Variants in ALK observed in about 807,000 individuals in gnomAD.
ALK encodes ALK tyrosine kinase receptor.
ALK carries 74 observed loss-of-function variants against 163.1 expected under a neutral mutation model. The ratio of observed to expected loss-of-function variants is 0.45; its 90% confidence interval spans 0.38 to 0.55. The LOEUF (loss-of-function observed/expected upper bound fraction) is 0.55, where lower values mean the gene tolerates loss of function less well. Among genes scored for constraint, ALK ranks in the 20% least tolerant of loss-of-function variants. The pLI is 0.00. For missense variants in ALK, 2,063 were observed against 2,105.3 expected (o/e 0.98, Z 0.39); for synonymous variants, 960 against 843.2 (o/e 1.14, Z -2.40).
At chr2:29,549,939 A>G (rs111324848) in intron 3 of ALK, among the ~76,000 whole-genome samples, 2,322 of 152,302 alleles carry the variant, frequency 0.015, 15 homozygotes, top group Middle Eastern at 0.058. Context: ...TATTAGCACT[A>G]CTTTAAGGAT....
At chr2:29,432,413 G>A (rs1443678149) in intron 4 of ALK, among the ~76,000 whole-genome samples, 1 of 152,108 alleles carries the variant, frequency 6.6e-6, no homozygotes, top group African/African-American at 2.4e-5. Flanking sequence ...AGCTTCCTGA[G>A]GCCTCATCAG....
chr2:29,528,137 C>T lies in ALK; in HGVS notation c.1154+3778G>A, dbSNP rs569071371. Reference sequence around the variant, plus strand: ...CCAAATGATTGGCAACTTCTATCCCCTTGAGGCCCAATTCTTCCCTCCACA... The same window carrying T: ...CCAAATGATTGGCAACTTCTATCCCTTTGAGGCCCAATTCTTCCCTCCACA... On this transcript the variant is annotated intron_variant, in intron 4 of 28. Coordinates refer to ENST00000389048, the MANE Select transcript of ALK (RefSeq NM_004304.5). Among the ~76,000 whole-genome samples the T allele has an allele frequency of 4.3e-4, 66 of 152,338 alleles. 1 individual carries two copies. Among genetic ancestry groups the T allele is most frequent in the African/African-American group, 1.5e-3 (63 of 41,584 alleles).
At chr2:29,815,861 T>C (rs1280599367) in intron 1 of ALK, among the ~76,000 whole-genome samples, 5 of 152,218 alleles carry the variant, frequency 3.3e-5, no homozygotes, top group African/African-American at 1.2e-4. Context: ...TACAGTCCCT[T>C]TGTGTAAGGA....
chr2:29,566,377 C>T (rs1674190731), intron 3 of ALK, among the ~76,000 whole-genome samples: 1 of 152,114 alleles, frequency 6.6e-6, no homozygotes, highest in South Asian at 2.1e-4. Context: ...TTTGCTGCAC[C>T]CCAAAACAAG....
chr2:29,523,163 G>A (rs1049124340), intron 4 of ALK, among the ~76,000 whole-genome samples: 1 of 152,146 alleles, frequency 6.6e-6, no homozygotes, highest in South Asian at 2.1e-4. Context: ...CGTGGCCACA[G>A]CTCATCATCT....
chr2:29,387,550 C>A (rs750371622), intron 4 of ALK, among the ~76,000 whole-genome samples: 1 of 152,146 alleles, frequency 6.6e-6, no homozygotes, highest in Non-Finnish European at 1.5e-5. Flanking sequence ...TTGGGCAAGT[C>A]CCTGCACCTC....
intron 9 of ALK, among the ~76,000 whole-genome samples, chr2:29,282,237 T>C (rs375076544): frequency 6.6e-6 from 1 of 152,220 alleles, no homozygotes; most frequent in African/African-American, 2.4e-5. Flanking sequence ...AATTTCTCGC[T>C]GCACAGTTAA....
chr2:29,306,186 G>A lies in ALK; in HGVS notation c.1648-9129C>T, dbSNP rs189460261. Among the ~76,000 whole-genome samples, 63 of 152,306 alleles carry A rather than the reference G, an allele frequency of 4.1e-4. No individual in the cohort carries two copies. The East Asian group carries it at 9.6e-3, about 23-fold the overall frequency. On this transcript the variant is annotated intron_variant, in intron 8 of 28. Transcript: ENST00000389048. ...AGGAAGCTGAACTAGGCGCTTGCAC[G>A]TAGGCTTATCTCACTGTATACTGAC...
At chr2:29,859,690 G>T (rs1666230608) in intron 1 of ALK, among the ~76,000 whole-genome samples, 1 of 152,134 alleles carries the variant, frequency 6.6e-6, no homozygotes, top group Non-Finnish European at 1.5e-5. Flanking sequence ...CATCACACAT[G>T]TGTCATAGAT....
intron 4 of ALK, among the ~76,000 whole-genome samples, chr2:29,484,377 A>ATT (rs1671732586): frequency 6.6e-6 from 1 of 152,126 alleles, no homozygotes; most frequent in Non-Finnish European, 1.5e-5. Flanking sequence ...GCACACACAC[A>ATT]TATATAAACA....
At chr2:29,328,599 C>G in intron 5 of ALK, 118 bp from the exon 6 acceptor site, 3 of 1,368,396 alleles carry the variant, frequency 2.2e-6, no homozygotes, top group Non-Finnish European at 3.1e-6. Context: ...CCCTGCCATT[C>G]ACACTCCAAG....
At chr2:29,583,167 C>A (rs1432260046) in intron 3 of ALK, among the ~76,000 whole-genome samples, 1 of 151,146 alleles carries the variant, frequency 6.6e-6, no homozygotes, top group East Asian at 2.0e-4. Context: ...GTGTGAGTCA[C>A]CATGCCCAGC....
intron 4 of ALK, among the ~76,000 whole-genome samples, chr2:29,446,503 A>G (rs975902785): frequency 1.3e-5 from 2 of 152,132 alleles, no homozygotes; most frequent in African/African-American, 2.4e-5. Context: ...CCTGCCCCCA[A>G]AGAGTTCCCT....
chr2:29,346,820 G>C (rs780217663), intron 5 of ALK, among the ~76,000 whole-genome samples: 2 of 152,126 alleles, frequency 1.3e-5, no homozygotes, highest in Non-Finnish European at 2.9e-5. Context: ...CAGAATCTCT[G>C]AACTGGGAGG....
intron 1 of ALK, among the ~76,000 whole-genome samples, chr2:29,811,083 C>T (rs1389073181): frequency 1.3e-5 from 2 of 151,766 alleles, no homozygotes; most frequent in African/African-American, 4.8e-5. Context: ...TTATGGCAAC[C>T]CAAGCAGACT....
chr2:29,831,158 GAA>G (rs1665393076), intron 1 of ALK, among the ~76,000 whole-genome samples: 2 of 58,656 alleles, frequency 3.4e-5, no homozygotes, highest in Non-Finnish European at 6.8e-5. Flanking sequence ...AGAAGGGGAA[GAA>G]GGAGAAGAGG....
chr2:29,646,822 T>G (rs1441017373), intron 3 of ALK, among the ~76,000 whole-genome samples: 1 of 152,200 alleles, frequency 6.6e-6, no homozygotes, highest in Non-Finnish European at 1.5e-5. Context: ...ACTCCTGCCT[T>G]CCTTGCTTTA....
chr2:29,903,492 C>T (rs1240162385), intron 1 of ALK, among the ~76,000 whole-genome samples: 1 of 152,112 alleles, frequency 6.6e-6, no homozygotes, highest in Non-Finnish European at 1.5e-5. Flanking sequence ...TAACATAAAC[C>T]CTACCCAAAT....
intron 3 of ALK, among the ~76,000 whole-genome samples, chr2:29,663,720 C>CA (rs1364584198): frequency 2.0e-5 from 3 of 152,026 alleles, no homozygotes; most frequent in African/African-American, 7.2e-5. Flanking sequence ...AAAGATAGGA[C>CA]AAAATCTAAC....
Sources: gnomAD v4.1 joint callset for allele counts (sites outside exome capture counted in the v4.1 genomes callset) on GRCh38, gnomAD v4.1.1 for gene constraint, MANE v1.5 for transcripts, NCBI Gene and HGNC (gene_info 2026-07-23, HGNC 2026-07-21) for gene names.